The following CLDN14 variants were observed in gnomAD, a reference collection of about 807,000 sequenced individuals.
CLDN14 encodes the protein claudin-14.
A neutral mutation model predicts 2.1 loss-of-function variants in CLDN14; 2 were observed. That is an observed-to-expected ratio of 0.96 (90% CI 0.39 to 3.01). The LOEUF is 3.01. Among genes scored for constraint, CLDN14 ranks in the 30% most tolerant of loss-of-function variants. The pLI is 0.09. For missense variants in CLDN14, 298 were observed against 328.0 expected (o/e 0.91, Z 0.71); for synonymous variants, 136 against 154.4 (o/e 0.88, Z 0.88).
intron 2 of CLDN14, among the ~76,000 whole-genome samples, chr21:36,491,568 G>T (rs977880087): frequency 1.3e-5 from 2 of 152,138 alleles, no homozygotes; most frequent in Admixed American, 6.5e-5. Context: ...ACAGGATCTC[G>T]CTGTGTTCAT....
chr21:36,478,160 T>A (rs1240672108), intron 1 of CLDN14, among the ~76,000 whole-genome samples: 1 of 152,264 alleles, frequency 6.6e-6, no homozygotes, highest in Non-Finnish European at 1.5e-5. Context: ...TATTTAATAG[T>A]GACATTTTCA....
At chr21:36,485,357 C>T (rs1036318643) in intron 2 of CLDN14, among the ~76,000 whole-genome samples, 3 of 152,066 alleles carry the variant, frequency 2.0e-5, no homozygotes, top group Non-Finnish European at 4.4e-5. Context: ...TACAGGCATG[C>T]ACCACCATGT....
At chr21:36,550,066 G>A (rs1017490758) in intron 1 of CLDN14, among the ~76,000 whole-genome samples, 1 of 152,180 alleles carries the variant, frequency 6.6e-6, no homozygotes, top group South Asian at 2.1e-4. Context: ...TTGCATGGTT[G>A]AAAGAATGAA....
At chr21:36,489,131 A>AAAAAAAAAATATATATATATATATAT in intron 2 of CLDN14, among the ~76,000 whole-genome samples, 1 of 62,750 alleles carries the variant, frequency 1.6e-5, no homozygotes, top group African/African-American at 5.9e-5. Context: ...AAAAAAAAAA[A>AAAAAAAAAATATATATATATATATAT]ATATATATAT....
rs530413181 is a variant in CLDN14, at chr21:36,537,672, C to T, written c.-219-27172G>A. Reference sequence around the variant, plus strand: ...TTTTCTTTTCTTTTTTTTTTTGAGACGGAGTCTCGCTCTGTCACCCAGGCT... The same window carrying T: ...TTTTCTTTTCTTTTTTTTTTTGAGATGGAGTCTCGCTCTGTCACCCAGGCT... On this transcript the variant is annotated intron_variant, in intron 1 of 2. Coordinates refer to the CLDN14 transcript ENST00000342108. Among the ~76,000 whole-genome samples the T allele has an allele frequency of 1.4e-4, 17 of 124,882 alleles. No homozygotes were observed. In the South Asian group the frequency reaches 1.6e-3, roughly 12 times the overall value. The allele number at this position is 124,882 out of a possible 152,430, so 81.9% of individuals were successfully genotyped here.
intron 2 of CLDN14, among the ~76,000 whole-genome samples, chr21:36,503,260 G>A (rs909539761): frequency 2.8e-4 from 43 of 152,088 alleles, no homozygotes; most frequent in Non-Finnish European, 6.0e-4. Flanking sequence ...CACCATATTG[G>A]CCAGGCTGGT....
At chr21:36,537,156 A>C (rs1228416518) in intron 1 of CLDN14, among the ~76,000 whole-genome samples, 2 of 152,128 alleles carry the variant, frequency 1.3e-5, no homozygotes, top group African/African-American at 4.8e-5. Flanking sequence ...GCGCCATTGC[A>C]CTCCAGCCTA....
intron 1 of CLDN14, among the ~76,000 whole-genome samples, chr21:36,550,671 T>A (rs1025610975): frequency 1.3e-5 from 2 of 152,186 alleles, no homozygotes; most frequent in Admixed American, 6.5e-5. Flanking sequence ...GAACTCCTCC[T>A]GGCCTTCTCT....
chr21:36,517,848 G>A (rs529528552), intron 1 of CLDN14, among the ~76,000 whole-genome samples: 31 of 152,256 alleles, frequency 2.0e-4, no homozygotes, highest in Non-Finnish European at 3.7e-4. Context: ...AGCAGATGGC[G>A]CTCCCTAATG....
intron 1 of CLDN14, among the ~76,000 whole-genome samples, chr21:36,573,640 T>C (rs181332762): frequency 2.6e-5 from 4 of 152,266 alleles, no homozygotes; most frequent in Admixed American, 2.6e-4. Flanking sequence ...ATCTAATTAG[T>C]CTTAAATTAT....
chr21:36,488,255 T>TTCCC (rs1377784290), intron 2 of CLDN14, among the ~76,000 whole-genome samples: 17 of 149,446 alleles, frequency 1.1e-4, no homozygotes, highest in African/African-American at 4.2e-4. Flanking sequence ...CCTTCCTTCC[T>TTCCC]TCCTTCCTTC....
At chr21:36,493,307 C>T (rs1281586255) in intron 2 of CLDN14, among the ~76,000 whole-genome samples, 8 of 152,232 alleles carry the variant, frequency 5.3e-5, no homozygotes, top group Admixed American at 4.6e-4. Context: ...GTAGAGAGGG[C>T]TGCTCTTCTG....
At chr21:36,493,978 G>C (rs9982279) in intron 2 of CLDN14, among the ~76,000 whole-genome samples, 85,855 of 152,024 alleles carry the variant, frequency 0.56, 27,441 homozygotes, top group Non-Finnish European at 0.72. Context: ...GATGGGTTGG[G>C]AATCCCACTA....
chr21:36,537,322 A>C (rs1028841954), intron 1 of CLDN14, among the ~76,000 whole-genome samples: 1 of 152,218 alleles, frequency 6.6e-6, no homozygotes, highest in Non-Finnish European at 1.5e-5. Context: ...AGTCATAACA[A>C]AAAGTCTGGG....
chr21:36,571,264 C>T (rs2146529763), intron 1 of CLDN14, among the ~76,000 whole-genome samples: 1 of 152,290 alleles, frequency 6.6e-6, no homozygotes, highest in South Asian at 2.1e-4. Flanking sequence ...CCGGTTAGAG[C>T]ACAGAAATGC....
At chr21:36,575,290 T>G (rs1378353706) in intron 1 of CLDN14, among the ~76,000 whole-genome samples, 1 of 152,208 alleles carries the variant, frequency 6.6e-6, no homozygotes, top group Non-Finnish European at 1.5e-5. Flanking sequence ...CAGCAAATGA[T>G]AGCTAATAAC....
intron 2 of CLDN14, among the ~76,000 whole-genome samples, chr21:36,508,912 T>C (rs2087158140): frequency 6.6e-6 from 1 of 152,182 alleles, no homozygotes; most frequent in African/African-American, 2.4e-5. Flanking sequence ...TGTGGGGCTT[T>C]TGTTTTGCTG....
At chr21:36,509,427 G>C (rs948726142) in intron 2 of CLDN14, among the ~76,000 whole-genome samples, 3 of 152,190 alleles carry the variant, frequency 2.0e-5, no homozygotes, top group African/African-American at 7.2e-5. Context: ...TTTTGGCCCA[G>C]AGAAGGGGAG....
At chr21:36,494,613 C>T (rs113493264) in intron 2 of CLDN14, among the ~76,000 whole-genome samples, 2,753 of 152,258 alleles carry the variant, frequency 0.018, 100 homozygotes, top group African/African-American at 0.063. Flanking sequence ...TGAGTTCGTA[C>T]GGGTGGGCCC....
Sources: gnomAD v4.1 joint callset for allele counts (sites outside exome capture counted in the v4.1 genomes callset) on GRCh38, gnomAD v4.1.1 for gene constraint, MANE v1.5 for transcripts, NCBI Gene and HGNC (gene_info 2026-07-23, HGNC 2026-07-21) for gene names.